The following CNTN4 variants were observed in gnomAD, a reference collection of about 807,000 sequenced individuals.
CNTN4 encodes contactin 4.
CNTN4 carries 77 observed loss-of-function variants against 122.5 expected under a neutral mutation model. The ratio of observed to expected loss-of-function variants is 0.63; its 90% CI spans 0.52 to 0.76. The LOEUF (loss-of-function observed/expected upper bound fraction) is 0.76, where lower values mean the gene tolerates loss of function less well. Ranked by LOEUF, CNTN4 falls within the 30% of genes least tolerant of loss-of-function variation. The pLI, the probability that CNTN4 is intolerant of heterozygous loss-of-function variation, is 0.00. For synonymous variants in CNTN4, 512 were observed against 447.0 expected, an observed-to-expected ratio of 1.15 and a Z score of -1.83; for missense variants, 1,256 against 1,259.1, an observed-to-expected ratio of 1.00 and a Z score of 0.04.
At chr3:2,484,823 A>C (rs557507576) in intron 3 of CNTN4, among the ~76,000 whole-genome samples, 1 of 152,136 alleles carries the variant, frequency 6.6e-6, no homozygotes, top group South Asian at 2.1e-4. Context: ...ATGCTCGAGG[A>C]GCCCTTCAGC....
rs576099412 is a variant in CNTN4, at chr3:2,262,082, C to T, written c.-144-77096C>T. ...CTGTTCTTATTCCCTGTATGTTTCC[C>T]TTCACTTTTAATGTGAAAATTGCAA... On this transcript the variant is annotated intron_variant, in intron 2 of 24. Coordinates refer to ENST00000418658, the MANE Select transcript of CNTN4 (RefSeq NM_175607.3). 3.6e-3 allele frequency among the ~76,000 whole-genome samples: 554 copies of T among 152,230 alleles called. 2 individuals are homozygous for T. Among genetic ancestry groups the T allele is most frequent in the Non-Finnish European group, 5.6e-3 (382 of 68,004 alleles).
intron 2 of CNTN4, among the ~76,000 whole-genome samples, chr3:2,229,991 T>C (rs2039425048): frequency 1.3e-5 from 2 of 151,090 alleles, no homozygotes; most frequent in African/African-American, 4.9e-5. Context: ...CATGGAATTT[T>C]AATCTGTTCT....
chr3:2,307,302 G>A (rs899851574), intron 2 of CNTN4, among the ~76,000 whole-genome samples: 41 of 152,192 alleles, frequency 2.7e-4, no homozygotes, highest in African/African-American at 9.9e-4. Context: ...GGGCGTGGTG[G>A]CGGGCGCCTG....
At chr3:2,900,390 A>G (rs964100480) in intron 10 of CNTN4, among the ~76,000 whole-genome samples, 12 of 152,180 alleles carry the variant, frequency 7.9e-5, no homozygotes, top group Non-Finnish European at 1.6e-4. Flanking sequence ...TACTGAAAGG[A>G]AAAAAGGAAT....
chr3:2,816,275 A>T (rs1453362924), intron 6 of CNTN4, among the ~76,000 whole-genome samples: 2 of 148,218 alleles, frequency 1.3e-5, no homozygotes, highest in Non-Finnish European at 2.9e-5. Flanking sequence ...AATGGCGTGA[A>T]CCCAGGAGGC....
chr3:2,956,352 G>A lies in CNTN4; in HGVS notation c.1358+30573G>A, dbSNP rs150733317. ...CTAGAGATGATGAAAAAGTTCTGAA[G>A]ATGGATGGTGGTGACAGTTGCACAA... On this transcript the variant is annotated intron_variant, in intron 13 of 24. Coordinates refer to ENST00000418658, the MANE Select transcript of CNTN4 (RefSeq NM_175607.3). Among the ~76,000 whole-genome samples, 152 of 152,202 alleles carry A rather than the reference G, an allele frequency of 1.0e-3. 1 individual carries two copies. The highest frequency in any genetic ancestry group is 6.8e-3 in the Middle Eastern group (2 of 294).
intron 3 of CNTN4, among the ~76,000 whole-genome samples, chr3:2,465,534 G>A (rs759644758): frequency 5.9e-5 from 9 of 151,954 alleles, no homozygotes; most frequent in Non-Finnish European, 1.2e-4. Flanking sequence ...AAAATTAACC[G>A]GGTGTGGCAG....
intron 4 of CNTN4, among the ~76,000 whole-genome samples, chr3:2,715,345 G>A (rs1444760619): frequency 6.6e-6 from 1 of 152,150 alleles, no homozygotes; most frequent in African/African-American, 2.4e-5. Context: ...CTTATAATTT[G>A]GAAATTTCTT....
At chr3:2,939,008 C>T (rs1291327263) in intron 13 of CNTN4, among the ~76,000 whole-genome samples, 1 of 152,146 alleles carries the variant, frequency 6.6e-6, no homozygotes, top group Non-Finnish European at 1.5e-5. Context: ...ATTTGGGTTC[C>T]TCCTAACTTT....
At chr3:2,620,554 A>G (rs191396321) in intron 4 of CNTN4, among the ~76,000 whole-genome samples, 90 of 152,254 alleles carry the variant, frequency 5.9e-4, no homozygotes, top group African/African-American at 2.0e-3. Context: ...GTTATAGAAT[A>G]GGTTATATCA....
intron 4 of CNTN4, among the ~76,000 whole-genome samples, chr3:2,706,227 T>A (rs1026154317): frequency 6.6e-6 from 1 of 151,862 alleles, no homozygotes; most frequent in African/African-American, 2.4e-5. Context: ...GACATCACAA[T>A]AGAATGTATT....
At chr3:2,697,013 G>A (rs962523545) in intron 4 of CNTN4, among the ~76,000 whole-genome samples, 1 of 152,178 alleles carries the variant, frequency 6.6e-6, no homozygotes, top group Non-Finnish European at 1.5e-5. Context: ...TCTTTATTCA[G>A]TTTCGTATAT....
intron 2 of CNTN4, among the ~76,000 whole-genome samples, chr3:2,294,751 T>A (rs914316847): frequency 6.3e-4 from 96 of 152,314 alleles, no homozygotes; most frequent in African/African-American, 2.0e-3. Context: ...TATGTATACA[T>A]GTGCCATGTT....
chr3:2,767,932 A>AT (rs1324300049), intron 6 of CNTN4, among the ~76,000 whole-genome samples: 4 of 152,220 alleles, frequency 2.6e-5, no homozygotes, highest in Non-Finnish European at 4.4e-5. Flanking sequence ...ATATTGTCAC[A>AT]TAGCAGTGGG....
intron 13 of CNTN4, among the ~76,000 whole-genome samples, chr3:2,962,993 C>G (rs993995044): frequency 5.3e-5 from 8 of 152,100 alleles, no homozygotes; most frequent in Admixed American, 5.2e-4. Flanking sequence ...GTTTGATCAG[C>G]GCAGAGTAGA....
intron 2 of CNTN4, among the ~76,000 whole-genome samples, chr3:2,323,078 A>G (rs1047743816): frequency 4.6e-5 from 7 of 152,148 alleles, no homozygotes; most frequent in African/African-American, 1.7e-4. Flanking sequence ...TTTTCTTGCA[A>G]GAGCTCTCTT....
chr3:2,270,855 G>T (rs1347459249), intron 2 of CNTN4, among the ~76,000 whole-genome samples: 1 of 152,110 alleles, frequency 6.6e-6, no homozygotes, highest in Non-Finnish European at 1.5e-5. Context: ...ATGTGCAGTT[G>T]TTTAGTATGC....
At chr3:2,421,452 A>G (rs914353435) in intron 3 of CNTN4, among the ~76,000 whole-genome samples, 7 of 152,128 alleles carry the variant, frequency 4.6e-5, no homozygotes, top group Non-Finnish European at 1.0e-4. Context: ...TGGTTTCACC[A>G]TGTTGGCCAG....
chr3:2,719,286 G>GACA (rs2087691328), intron 4 of CNTN4, among the ~76,000 whole-genome samples: 1 of 150,264 alleles, frequency 6.7e-6, no homozygotes, highest in African/African-American at 2.5e-5. Context: ...GGTTCATAAG[G>GACA]ACAAGACTTC....
Sources: allele counts gnomAD v4.1 joint callset (sites outside exome capture counted in the v4.1 genomes callset), GRCh38; gene constraint gnomAD v4.1.1; transcripts MANE v1.5; gene names NCBI Gene and HGNC (gene_info 2026-07-23, HGNC 2026-07-21).